LPP: variants seen among roughly 807,000 people sequenced by gnomAD.
The protein encoded by LPP is LIM domain containing preferred translocation partner in lipoma.
In LPP, 38 loss-of-function variants were observed where a neutral mutation model predicts 60.4. That is an observed-to-expected ratio of 0.63 (90% CI 0.49 to 0.83). The LOEUF (loss-of-function observed/expected upper bound fraction) is 0.83. LPP is among the 40% of genes least tolerant of loss of function. LPP has a pLI of 0.00. For synonymous variants in LPP, 328 were observed against 290.8 expected, an observed-to-expected ratio of 1.13 and a Z score of -1.30; for missense variants, 902 against 783.6, an observed-to-expected ratio of 1.15 and a Z score of -1.80.
At chr3:188,245,299 G>A (rs148069983) in intron 2 of LPP, among the ~76,000 whole-genome samples, 2,577 of 152,252 alleles carry the variant, frequency 0.017, 35 homozygotes, top group South Asian at 0.029. Flanking sequence ...TTTTCATAGA[G>A]ACAGGGTTTC....
chr3:188,691,159 G>T lies in LPP; in HGVS notation c.1114-17108G>T, dbSNP rs58409132. 2.6e-4 allele frequency among the ~76,000 whole-genome samples: 40 copies of T among 152,242 alleles called. No homozygotes were observed. In the East Asian group the frequency reaches 6.8e-3, roughly 26 times the overall value. ...TGCCTGCTCAGTAAATACAATTTGGGTTAAACTTTATTCATTTTTAGTTAT... is the reference window on the plus strand; with the variant it reads ...TGCCTGCTCAGTAAATACAATTTGGTTTAAACTTTATTCATTTTTAGTTAT... On this transcript the variant is annotated intron_variant, in intron 7 of 11. Coordinates refer to ENST00000617246, the MANE Select transcript of LPP (RefSeq NM_001375462.1).
intron 7 of LPP, among the ~76,000 whole-genome samples, chr3:188,669,937 G>T (rs1030041155): frequency 1.3e-5 from 2 of 152,194 alleles, no homozygotes; most frequent in Non-Finnish European, 2.9e-5. Flanking sequence ...AAAAGGATGA[G>T]TTCATGTCCT....
intron 7 of LPP, among the ~76,000 whole-genome samples, chr3:188,620,418 A>G (rs774478189): frequency 1.3e-5 from 2 of 152,148 alleles, no homozygotes; most frequent in African/African-American, 4.8e-5. Flanking sequence ...ATAATACTAT[A>G]TATAGTCTTT....
intron 3 of LPP, among the ~76,000 whole-genome samples, chr3:188,383,321 G>A (rs1319801254): frequency 6.6e-6 from 1 of 152,140 alleles, no homozygotes; most frequent in African/African-American, 2.4e-5. Flanking sequence ...GTGTATTAGT[G>A]AGAAAATTTA....
intron 6 of LPP, among the ~76,000 whole-genome samples, chr3:188,607,374 T>TAGATATAG (rs1293016412): frequency 0.012 from 115 of 9,388 alleles, no homozygotes; most frequent in African/African-American, 0.024. Context: ...ATAGAAGATA[T>TAGATATAG]ATATATATAT....
chr3:188,443,150 A>G (rs1316167032), intron 4 of LPP, among the ~76,000 whole-genome samples: 24 of 152,232 alleles, frequency 1.6e-4, no homozygotes, highest in Admixed American at 1.6e-3. Flanking sequence ...CAACACCTGT[A>G]CACAAAGGTA....
At chr3:188,451,041 T>A (rs1796477075) in intron 4 of LPP, among the ~76,000 whole-genome samples, 2 of 152,098 alleles carry the variant, frequency 1.3e-5, no homozygotes, top group African/African-American at 4.8e-5. Flanking sequence ...AGGCTCTGTG[T>A]TTTTTGTTTT....
At chr3:188,401,432 A>G (rs1782218735) in intron 3 of LPP, among the ~76,000 whole-genome samples, 1 of 151,912 alleles carries the variant, frequency 6.6e-6, no homozygotes, top group African/African-American at 2.4e-5. Flanking sequence ...GTTTTCTTTT[A>G]TTTACTCAGC....
At chr3:188,203,514 TAA>T (rs1491232799) in intron 1 of LPP, among the ~76,000 whole-genome samples, 9 of 64,524 alleles carry the variant, frequency 1.4e-4, no homozygotes, top group African/African-American at 5.1e-4. Context: ...TATATATATT[TAA>T]ATATATATAA....
chr3:188,665,035 G>A (rs1034061408), intron 7 of LPP, among the ~76,000 whole-genome samples: 1 of 152,260 alleles, frequency 6.6e-6, no homozygotes, highest in Admixed American at 6.5e-5. Flanking sequence ...CAGTGACCAC[G>A]TCTTTGGAGA....
intron 8 of LPP, among the ~76,000 whole-genome samples, chr3:188,713,322 A>T (rs1475767499): frequency 6.6e-6 from 1 of 152,114 alleles, no homozygotes; most frequent in Non-Finnish European, 1.5e-5. Flanking sequence ...ACACTATTCT[A>T]GATTAAAGGA....
intron 3 of LPP, among the ~76,000 whole-genome samples, chr3:188,365,004 A>G (rs1490418224): frequency 1.3e-5 from 2 of 152,196 alleles, no homozygotes; most frequent in African/African-American, 4.8e-5. Context: ...GGATGTCTGT[A>G]GAAGAATCAT....
chr3:188,692,202 G>A (rs1283962863), intron 7 of LPP, among the ~76,000 whole-genome samples: 2 of 152,152 alleles, frequency 1.3e-5, no homozygotes, highest in Admixed American at 6.5e-5. Flanking sequence ...GCTATGCCAG[G>A]GTCCTGGGTA....
intron 6 of LPP, among the ~76,000 whole-genome samples, chr3:188,604,054 CCTT>C (rs1252599289): frequency 6.6e-6 from 1 of 152,070 alleles, no homozygotes; most frequent in African/African-American, 2.4e-5. Context: ...TCTATTTTCT[CCTT>C]CTGTTACATT....
chr3:188,492,820 C>T (rs1277818723), intron 5 of LPP, among the ~76,000 whole-genome samples: 1 of 152,202 alleles, frequency 6.6e-6, no homozygotes, highest in African/African-American at 2.4e-5. Context: ...TCCCAATAAA[C>T]ACGCCAAATG....
chr3:188,184,883 C>T (rs557995753), intron 1 of LPP, among the ~76,000 whole-genome samples: 176 of 151,936 alleles, frequency 1.2e-3, no homozygotes, highest in African/African-American at 4.0e-3. Context: ...GGTAAAGGGG[C>T]AGTGCAGTGT....
chr3:188,573,741 G>T (rs1834003522), intron 6 of LPP, among the ~76,000 whole-genome samples: 1 of 152,012 alleles, frequency 6.6e-6, no homozygotes, highest in Admixed American at 6.6e-5. Flanking sequence ...GTGTTCTTGG[G>T]GTTGCGGGGT....
At chr3:188,373,621 G>A (rs1364094825) in intron 3 of LPP, among the ~76,000 whole-genome samples, 1,613 of 151,904 alleles carry the variant, frequency 0.011, 25 homozygotes, top group African/African-American at 0.035. Context: ...TTTGTCAGAT[G>A]AGTAGGTTGC....
chr3:188,631,356 T>G (rs1470119350), intron 7 of LPP, among the ~76,000 whole-genome samples: 1 of 152,158 alleles, frequency 6.6e-6, no homozygotes, highest in Admixed American at 6.5e-5. Flanking sequence ...TTGGGGACAC[T>G]CCTATTAAGT....
Sources: allele counts gnomAD v4.1 joint callset (sites outside exome capture counted in the v4.1 genomes callset), GRCh38; gene constraint gnomAD v4.1.1; transcripts MANE v1.5; gene names NCBI Gene and HGNC (gene_info 2026-07-23, HGNC 2026-07-21).